Variants in GOLGA7B observed in about 807,000 individuals in gnomAD.
The protein encoded by GOLGA7B is golgin subfamily A member 7B.
GOLGA7B carries 17 observed loss-of-function variants against 21.5 expected under a neutral mutation model. The ratio of observed to expected loss-of-function variants is 0.79; its 90% CI spans 0.54 to 1.19. GOLGA7B has a LOEUF of 1.19. Among genes scored for constraint, GOLGA7B ranks in the 50% most tolerant of loss-of-function variants. The pLI is 0.00. For synonymous variants in GOLGA7B, 87 were observed against 84.0 expected, an observed-to-expected ratio of 1.04 and a Z score of -0.19; for missense variants, 169 against 224.4, an observed-to-expected ratio of 0.75 and a Z score of 1.58.
chr10:97,855,632 TTGAC>T (rs1263133505), intron 1 of GOLGA7B, among the ~76,000 whole-genome samples: 1 of 152,204 alleles, frequency 6.6e-6, no homozygotes, highest in African/African-American at 2.4e-5. Context: ...ATCCTCAAGA[TTGAC>T]TGACTTTCAT....
chr10:97,859,515 C>G lies in GOLGA7B; in HGVS notation c.70C>G (p.Gln24Glu), dbSNP rs2049957632. The change falls in exon 2 of 5, where the codon CAG (glutamine) becomes GAG (glutamate). Residue 24 changes from glutamine to glutamate, a missense_variant. Transcript: ENST00000370602. Reference protein sequence around the residue: ...SASLATKVFIQRDYSDGTICQ... With the variant: ...SASLATKVFIERDYSDGTICQ... ...CTCACTGGCCACCAAGGTCTTTATC[C>G]AGAGAGACTACAGCGATGGGACCAT... 1.2e-6 allele frequency: 2 copies of G among 1,614,108 alleles called. No homozygotes were observed. The highest frequency in any genetic ancestry group is 1.7e-6 in the Non-Finnish European group (2 of 1,179,952).
At chr10:97,857,190 A>G (rs2049940254) in intron 1 of GOLGA7B, among the ~76,000 whole-genome samples, 1 of 152,200 alleles carries the variant, frequency 6.6e-6, no homozygotes, top group Non-Finnish European at 1.5e-5. Flanking sequence ...GTTTTCGTCT[A>G]GAATTTTTAC....
chr10:97,854,590 C>T (rs939055318), intron 1 of GOLGA7B, among the ~76,000 whole-genome samples: 1 of 152,174 alleles, frequency 6.6e-6, no homozygotes, highest in African/African-American at 2.4e-5. Flanking sequence ...CAAACACTCT[C>T]CAGGGAGAGA....
chr10:97,850,456 T>C lies in GOLGA7B; in HGVS notation c.12+141T>C, dbSNP rs535640501. 6.4e-6 allele frequency: 4 copies of C among 621,634 alleles called. No homozygotes were observed. The African/African-American group carries it at 7.7e-5, about 12-fold the overall frequency. 38.5% of individuals were successfully genotyped at this position (621,634 alleles called of 1,614,324 possible). A position where few individuals can be genotyped will look rare whatever the true frequency, so the allele number is the denominator to read the frequency against. On this transcript the variant is annotated intron_variant, in intron 1 of 4. Transcript: ENST00000370602. Reference sequence around the variant, plus strand: ...CCAGGTCAGGTCTGGAGGGAGGAGGTAGGGGCTTAGTGAGGGCTCATCTCC... The same window carrying C: ...CCAGGTCAGGTCTGGAGGGAGGAGGCAGGGGCTTAGTGAGGGCTCATCTCC...
At chr10:97,855,319 C>A (rs1329952258) in intron 1 of GOLGA7B, among the ~76,000 whole-genome samples, 3 of 152,142 alleles carry the variant, frequency 2.0e-5, no homozygotes, top group Non-Finnish European at 4.4e-5. Flanking sequence ...ACCTGAATAG[C>A]CAAAGCAATC....
At chr10:97,863,571 G>A (rs1325959427) in intron 2 of GOLGA7B, among the ~76,000 whole-genome samples, 5 of 152,164 alleles carry the variant, frequency 3.3e-5, no homozygotes, top group Non-Finnish European at 7.4e-5. Flanking sequence ...TAGAATACTC[G>A]TTTGATCTTC....
At chr10:97,864,296 A>C (rs1256891222) in intron 4 of GOLGA7B, 27 bp downstream of exon 4, 1 of 1,580,546 alleles carries the variant, frequency 6.3e-7, no homozygotes, top group Admixed American at 1.7e-5. Flanking sequence ...TTCTGTGTTG[A>C]GGGCACAGGA....
At chr10:97,860,917 C>T (rs779986591) in intron 2 of GOLGA7B, among the ~76,000 whole-genome samples, 1 of 152,186 alleles carries the variant, frequency 6.6e-6, no homozygotes, top group Non-Finnish European at 1.5e-5. Context: ...ACCATTGACT[C>T]AGAATCTCCT....
chr10:97,862,973 G>A (rs1050393932), intron 2 of GOLGA7B, among the ~76,000 whole-genome samples: 2 of 152,076 alleles, frequency 1.3e-5, no homozygotes, highest in Non-Finnish European at 2.9e-5. Flanking sequence ...AGGAGAGGAG[G>A]AGACGGGCCC....
At chr10:97,865,232 A>T (rs1385447711) in intron 4 of GOLGA7B, 1 of 272,080 alleles carries the variant, frequency 3.7e-6, no homozygotes, top group African/African-American at 2.2e-5. Flanking sequence ...AACTCAGGAC[A>T]CTAAAGTCCT....
At chr10:97,855,886 T>C (rs887310741) in intron 1 of GOLGA7B, among the ~76,000 whole-genome samples, 8 of 152,192 alleles carry the variant, frequency 5.3e-5, no homozygotes, top group Non-Finnish European at 1.0e-4. Flanking sequence ...TTATACATTA[T>C]TTAATCCAGT....
chr10:97,852,426 C>T (rs1284803512), intron 1 of GOLGA7B, among the ~76,000 whole-genome samples: 1 of 152,208 alleles, frequency 6.6e-6, no homozygotes, highest in East Asian at 1.9e-4. Context: ...AAACATTCCT[C>T]ACTTCACAAT....
intron 1 of GOLGA7B, among the ~76,000 whole-genome samples, chr10:97,857,735 G>A (rs2049945365): frequency 6.6e-6 from 1 of 152,096 alleles, no homozygotes; most frequent in Admixed American, 6.6e-5. Context: ...ATTGCCTGAC[G>A]TTAAATTATA....
At chr10:97,857,271 T>C in intron 1 of GOLGA7B, among the ~76,000 whole-genome samples, 1 of 151,936 alleles carries the variant, frequency 6.6e-6, no homozygotes, top group East Asian at 1.9e-4. Context: ...GAACTAGGGG[T>C]CCAGTTTATT....
chr10:97,851,534 G>C (rs962504521), intron 1 of GOLGA7B, among the ~76,000 whole-genome samples: 5 of 152,166 alleles, frequency 3.3e-5, no homozygotes, highest in Admixed American at 3.3e-4. Context: ...CTGGGAGCTT[G>C]GTTTCTAGAG....
At chr10:97,853,166 A>C (rs1263842158) in intron 1 of GOLGA7B, among the ~76,000 whole-genome samples, 1 of 152,152 alleles carries the variant, frequency 6.6e-6, no homozygotes, top group Non-Finnish European at 1.5e-5. Flanking sequence ...GGCTGAGAAG[A>C]AGGGAGGTCT....
chr10:97,857,508 G>T (rs2049943771), intron 1 of GOLGA7B, among the ~76,000 whole-genome samples: 1 of 152,018 alleles, frequency 6.6e-6, no homozygotes, highest in African/African-American at 2.4e-5. Context: ...CATGCTAAAG[G>T]ATTGGAAGAA....
At chr10:97,865,540 A>C (rs1452359314) in intron 4 of GOLGA7B, 50 bp from the exon 5 acceptor site, 8 of 1,601,424 alleles carry the variant, frequency 5.0e-6, no homozygotes, top group Non-Finnish European at 6.0e-6. Context: ...TTCATGTCCC[A>C]CCCCTGCTCA....
chr10:97,868,891 T>C lies in GOLGA7B; in HGVS notation c.*3191T>C, dbSNP rs1447917536. 1 of 151,424 alleles carries C rather than the reference T, an allele frequency of 6.6e-6. No homozygotes were observed. The highest frequency in any genetic ancestry group is 1.5e-5 in the Non-Finnish European group (1 of 68,018). The allele number at this position is 151,424 out of a possible 1,614,324, so 9.4% of individuals were successfully genotyped here. On this transcript the variant is annotated 3_prime_UTR_variant, in exon 5 of 5. Transcript: ENST00000370602. ...TAGCTGACGTTTATTTAGCACTTCC[T>C]ATGTGCCAGGCACTAGGCTAAGACT...
Sources: allele counts gnomAD v4.1 joint callset (sites outside exome capture counted in the v4.1 genomes callset), GRCh38; gene constraint gnomAD v4.1.1; transcripts MANE v1.5; gene names NCBI Gene and HGNC (gene_info 2026-07-23, HGNC 2026-07-21).